The following RTL4 variants were observed in gnomAD, a reference collection of about 807,000 sequenced individuals.
The protein encoded by RTL4 is retrotransposon Gag-like protein 4.
Under a neutral mutation model 5.3 loss-of-function variants are expected in RTL4, and 4 were observed. The observed-to-expected ratio is 0.75, with a 90% confidence interval of 0.37 to 1.72. The LOEUF (loss-of-function observed/expected upper bound fraction) is 1.72, where lower values mean the gene tolerates loss of function less well. RTL4 is among the 40% of genes most tolerant of loss of function. The pLI is 0.04. For synonymous variants in RTL4, 98 were observed against 87.3 expected, an observed-to-expected ratio of 1.12 and a Z score of -0.68; for missense variants, 260 against 227.1, an observed-to-expected ratio of 1.14 and a Z score of -0.93.
the RTL4 span, among the ~76,000 whole-genome samples, chrX:112,315,900 T>C: frequency 8.0e-5 from 9 of 111,898 alleles, no homozygotes; most frequent in Non-Finnish European, 1.5e-4. Flanking sequence ...GCAGAGAGTA[T>C]CTTTGTACAT....
chrX:112,189,731 TC>T, the RTL4 span, among the ~76,000 whole-genome samples: 1 of 108,561 alleles, frequency 9.2e-6, no homozygotes, highest in East Asian at 2.9e-4. Flanking sequence ...GCCACTGCAC[TC>T]CAGGCTGAGT....
chrX:112,300,096 A>G, the RTL4 span, among the ~76,000 whole-genome samples: 1 of 111,535 alleles, frequency 9.0e-6, no homozygotes, highest in Non-Finnish European at 1.9e-5. Flanking sequence ...AAATCTATCT[A>G]TCTATCTATC....
chrX:112,322,588 TGTAA>T, the RTL4 span, among the ~76,000 whole-genome samples: 1 of 111,365 alleles, frequency 9.0e-6, no homozygotes, highest in East Asian at 2.8e-4. Context: ...TCTAATTTTA[TGTAA>T]GTGTGATCAT....
the RTL4 span, among the ~76,000 whole-genome samples, chrX:112,350,537 T>C: frequency 6.6e-3 from 740 of 111,461 alleles, 4 homozygotes; most frequent in African/African-American, 0.023. Flanking sequence ...TGCCACAATT[T>C]CAGAGCCTGT....
the RTL4 span, among the ~76,000 whole-genome samples, chrX:112,236,471 A>ATATAGATATAGATCTATATC: frequency 2.5e-5 from 2 of 80,893 alleles, no homozygotes; most frequent in African/African-American, 1.0e-4. Context: ...CTATATCTAT[A>ATATAGATATAGATCTATATC]TATAGATATA....
the RTL4 span, among the ~76,000 whole-genome samples, chrX:112,416,864 C>G: frequency 9.0e-6 from 1 of 111,556 alleles, no homozygotes; most frequent in African/African-American, 3.3e-5. Flanking sequence ...CACACAGTAT[C>G]CAAGAGATTT....
the RTL4 span, among the ~76,000 whole-genome samples, chrX:112,330,341 T>C: frequency 0.013 from 1,231 of 92,558 alleles, 23 homozygotes; most frequent in African/African-American, 0.059. Context: ...TGTACAAAAA[T>C]CACAAGCATT....
At chrX:112,332,653 G>T in the RTL4 span, among the ~76,000 whole-genome samples, 1 of 96,686 alleles carries the variant, frequency 1.0e-5, no homozygotes, top group Non-Finnish European at 2.1e-5. Context: ...CACACAGGAA[G>T]GGGGACATCA....
chrX:112,106,541 C>T, the RTL4 span, among the ~76,000 whole-genome samples: 1 of 112,051 alleles, frequency 8.9e-6, no homozygotes, highest in Non-Finnish European at 1.9e-5. Flanking sequence ...ATATATCCAG[C>T]AGTGGGATTA....
the RTL4 span, among the ~76,000 whole-genome samples, chrX:112,186,858 C>T: frequency 1.4e-3 from 160 of 112,176 alleles, no homozygotes; most frequent in Non-Finnish European, 2.1e-3. Flanking sequence ...TCTTTGTGTC[C>T]CAGGAGGCTG....
chrX:112,143,918 G>A, the RTL4 span, among the ~76,000 whole-genome samples: 6 of 112,077 alleles, frequency 5.4e-5, no homozygotes, highest in African/African-American at 1.9e-4. Context: ...AATAAAAATC[G>A]TACATATCTG....
chrX:112,455,409 G>A (rs748523124), exon 1 of RTL4: 15 of 1,211,389 alleles, frequency 1.2e-5, no homozygotes, highest in South Asian at 5.3e-5. Flanking sequence ...AGCTCCTACA[G>A]TCAGAGACCC....
At chrX:112,104,132 G>A in the RTL4 span, among the ~76,000 whole-genome samples, 1 of 111,686 alleles carries the variant, frequency 9.0e-6, no homozygotes, top group Non-Finnish European at 1.9e-5. Flanking sequence ...ATTCCACAAA[G>A]TAGTGTAATC....
chrX:112,409,866 TCTTA>T, the RTL4 span, among the ~76,000 whole-genome samples: 1 of 110,786 alleles, frequency 9.0e-6, no homozygotes, highest in African/African-American at 3.3e-5. Context: ...AAGTGTAAGT[TCTTA>T]CTTATCAATA....
chrX:112,325,625 C>G, the RTL4 span, among the ~76,000 whole-genome samples: 1 of 112,054 alleles, frequency 8.9e-6, no homozygotes, highest in Non-Finnish European at 1.9e-5. Flanking sequence ...TGGATCCCTT[C>G]CTTATGCCTT....
At chrX:112,121,450 T>C in the RTL4 span, among the ~76,000 whole-genome samples, 2 of 111,993 alleles carry the variant, frequency 1.8e-5, no homozygotes, top group African/African-American at 3.2e-5. Context: ...TTATTAACTA[T>C]GATAACATTT....
the RTL4 span, among the ~76,000 whole-genome samples, chrX:112,341,428 T>A: frequency 1.8e-5 from 2 of 111,910 alleles, no homozygotes; most frequent in African/African-American, 6.5e-5. Flanking sequence ...CCAGAACCTC[T>A]GTTCATTTTG....
the RTL4 span, among the ~76,000 whole-genome samples, chrX:112,435,290 A>G: frequency 5.4e-5 from 6 of 111,711 alleles, no homozygotes; most frequent in Non-Finnish European, 7.5e-5. Flanking sequence ...CCCCTTGCAC[A>G]TGTTTCAATT....
At chrX:112,241,284 T>G in the RTL4 span, among the ~76,000 whole-genome samples, 1 of 111,613 alleles carries the variant, frequency 9.0e-6, no homozygotes, top group African/African-American at 3.3e-5. Context: ...TCCCACAATG[T>G]TTGAACTAGT....
Sources: gnomAD v4.1 joint callset for allele counts (sites outside exome capture counted in the v4.1 genomes callset) on GRCh38, gnomAD v4.1.1 for gene constraint, MANE v1.5 for transcripts, NCBI Gene and HGNC (gene_info 2026-07-23, HGNC 2026-07-21) for gene names.